PIKFYVE: variants seen among roughly 807,000 people sequenced by gnomAD.
PIKFYVE encodes the protein 1-phosphatidylinositol 3-phosphate 5-kinase.
PIKFYVE carries 122 observed loss-of-function variants against 257.9 expected under a neutral mutation model. That is an observed-to-expected ratio of 0.47 (90% confidence interval 0.41 to 0.55). The LOEUF (loss-of-function observed/expected upper bound fraction) is 0.55, where lower values mean the gene tolerates loss of function less well. PIKFYVE is among the 20% of genes least tolerant of loss of function. PIKFYVE has a pLI of 0.00. For synonymous variants in PIKFYVE, 892 were observed against 868.9 expected (o/e 1.03, Z -0.47); for missense variants, 2,160 against 2,536.6 (o/e 0.85, Z 3.19).
rs1699621939 is a variant in PIKFYVE at position 208,350,006 on chromosome 2, T to A, written c.5375-18T>A. The A allele has an allele frequency of 1.2e-6, 2 of 1,611,060 alleles. No homozygotes were observed. Among genetic ancestry groups the A allele is most frequent in the African/African-American group, 1.3e-5 (1 of 74,952 alleles). ...TTACTCAAAACCTTGGCTTTACTAA[T>A]GATATTAAACCTTTTAGATGAAGTA... On this transcript the variant is annotated intron_variant, in intron 35 of 41. Coordinates refer to ENST00000264380, the MANE Select transcript of PIKFYVE (RefSeq NM_015040.4).
chr2:208,292,694 A>T, intron 7 of PIKFYVE, among the ~76,000 whole-genome samples: 1 of 152,098 alleles, frequency 6.6e-6, no homozygotes. Context: ...GATTTCATTT[A>T]AAAATTTAAA....
rs1369711583 is a variant in PIKFYVE, at chr2:208,356,369, T to C, written c.*1064T>C. On this transcript the variant is annotated 3_prime_UTR_variant, in exon 42 of 42. Coordinates refer to ENST00000264380, the MANE Select transcript of PIKFYVE (RefSeq NM_015040.4). Reference sequence around the variant, plus strand: ...CTGACTACTAAGAAATGTTAAGAAATAGGCCAAGTGCGGTGGCTCACGCCT... The same window carrying C: ...CTGACTACTAAGAAATGTTAAGAAACAGGCCAAGTGCGGTGGCTCACGCCT... 4 of 152,210 alleles carry C rather than the reference T, an allele frequency of 2.6e-5. No individual in the cohort carries two copies. Among genetic ancestry groups the C allele is most frequent in the African/African-American group, 4.8e-5 (2 of 41,458 alleles). 9.4% of individuals were successfully genotyped at this position (152,210 alleles called of 1,614,324 possible). A position where few individuals can be genotyped will look rare whatever the true frequency, so the allele number is the denominator to read the frequency against.
At chr2:208,319,937 C>T (rs1354284430) in intron 16 of PIKFYVE, among the ~76,000 whole-genome samples, 3 of 151,920 alleles carry the variant, frequency 2.0e-5, no homozygotes, top group Non-Finnish European at 2.9e-5. Flanking sequence ...ATACTGCTCC[C>T]TCCGTGCACA....
chr2:208,299,993 C>T (rs951208580), intron 8 of PIKFYVE, among the ~76,000 whole-genome samples: 5 of 152,102 alleles, frequency 3.3e-5, no homozygotes, highest in African/African-American at 1.2e-4. Context: ...AGCCACTGCA[C>T]TCCAGCCTGG....
At chr2:208,304,723 G>T in intron 11 of PIKFYVE, 123 bp from the exon 12 acceptor site, 1 of 849,866 alleles carries the variant, frequency 1.2e-6, no homozygotes, top group Non-Finnish European at 2.0e-6. Flanking sequence ...TATCCATTTT[G>T]GTATTGCACA....
At chr2:208,343,206 C>T (rs1034882967) in intron 32 of PIKFYVE, among the ~76,000 whole-genome samples, 1 of 152,186 alleles carries the variant, frequency 6.6e-6, no homozygotes. Flanking sequence ...ATTTACTGAG[C>T]CTTGAATCCT....
intron 6 of PIKFYVE, among the ~76,000 whole-genome samples, chr2:208,287,360 T>A (rs1691714455): frequency 6.6e-6 from 1 of 151,524 alleles, no homozygotes; most frequent in South Asian, 2.1e-4. Flanking sequence ...TGCAACCTTC[T>A]TTTCCTGGGT....
intron 1 of PIKFYVE, among the ~76,000 whole-genome samples, chr2:208,267,502 G>GTTTT (rs376773052): frequency 0.12 from 12,540 of 109,022 alleles, 2,104 homozygotes; most frequent in African/African-American, 0.25. Flanking sequence ...TACATTGCCA[G>GTTTT]TTTTTTTTTT....
At position 208,276,784 on chromosome 2, in the gene PIKFYVE, G is replaced by A. The variant is rs1320418316; in HGVS notation, c.395G>A (p.Ser132Asn). 6.2e-7 allele frequency: 1 copy of A among 1,613,624 alleles called. No homozygotes were observed. The stretch of plus-strand genomic sequence containing the variant: ...ACAGCTGTTCAGCTTCGAAGCCTCA[G>A]CACAGTATTAAAACGCCTCAAGGAA... Reference protein sequence around the residue: ...PRTAVQLRSLSTVLKRLKEIM... With the variant: ...PRTAVQLRSLNTVLKRLKEIM... Residue 132 changes from serine to asparagine, a missense_variant, in exon 4 of 42, where the codon AGC (serine) becomes AAC (asparagine). Ser to Asn is a conservative substitution (Grantham distance 46, BLOSUM62 1). Coordinates refer to ENST00000264380, the MANE Select transcript of PIKFYVE (RefSeq NM_015040.4).
In PIKFYVE at chr2:208,350,752, A is replaced by G; in HGVS notation, c.5435-19A>G. ...TTCTGAGTCATAAAGCTTTTTAAAA[A>G]AACTTCTGTTGTTTATAGAATTTTC... On this transcript the variant is annotated intron_variant, in intron 36 of 41. Transcript: ENST00000264380. The G allele has an allele frequency of 2.5e-6, 4 of 1,613,618 alleles. No individual in the cohort carries two copies. Among genetic ancestry groups the G allele is most frequent in the Non-Finnish European group, 2.5e-6 (3 of 1,179,798 alleles).
At chr2:208,327,474 G>A (rs2125601644) in intron 20 of PIKFYVE, among the ~76,000 whole-genome samples, 1 of 152,224 alleles carries the variant, frequency 6.6e-6, no homozygotes. Context: ...TTAATGACTT[G>A]GATAAAGCCC....
chr2:208,324,169 C>G lies in PIKFYVE; in HGVS notation c.2218C>G (p.Gln740Glu). Residue 740 changes from glutamine (Q) to glutamate (E), a missense_variant, in exon 18 of 42, where the codon CAG (glutamine) becomes GAG (glutamate). Gln to Glu is a conservative substitution (Grantham distance 29). Coordinates refer to ENST00000264380, the MANE Select transcript of PIKFYVE (RefSeq NM_015040.4). The part of the protein sequence containing the change: ...QEREFLKNYV[Q>E]RIVDVRPTLV... ...AAGGGAATTCTTGAAGAATTATGTC[C>G]AGCGAATAGTTGATGTTCGACCCAC... The G allele has an allele frequency of 6.2e-7, 1 of 1,613,566 alleles. No homozygotes were observed. The highest frequency in any genetic ancestry group is 8.5e-7 in the Non-Finnish European group (1 of 1,179,630).
rs751273959 is a variant in PIKFYVE at position 208,325,690 on chromosome 2, C to T, written c.2879C>T (p.Thr960Ile). 7.4e-6 allele frequency: 12 copies of T among 1,613,838 alleles called. No homozygotes were observed. The South Asian group carries it at 9.9e-5, about 13-fold the overall frequency. The change falls in exon 20 of 42, where the codon ACA becomes ATA. Residue 960 changes from threonine to isoleucine, a missense_variant. By Grantham distance (89) the Thr-to-Ile change is moderately conservative (BLOSUM62 -1). This residue lies in a region of PIKFYVE where 522 missense variants were observed against 514.6 expected (regional missense o/e 1.01). Coordinates refer to ENST00000264380, the MANE Select transcript of PIKFYVE (RefSeq NM_015040.4). ...VASVKHQEHS[T>I]TACPAGLPCA... is the part of the protein sequence containing the mutation. ...TCTGTGAAGCATCAAGAACATAGCA[C>T]AACAGCTTGCCCGGCGGGTCTCCCT...
chr2:208,326,202 CAT>C lies in PIKFYVE; in HGVS notation c.3392_3393del (p.His1131ArgfsTer6). 1 of 1,605,470 alleles carries C rather than the reference CAT, an allele frequency of 6.2e-7. No individual in the cohort carries two copies. The highest frequency in any genetic ancestry group is 2.2e-5 in the East Asian group (1 of 44,812). On this transcript the variant is annotated frameshift_variant, in exon 20 of 42. Transcript: ENST00000264380. LOFTEE classifies it high-confidence loss of function. ...QAKSIQVLPS[H>X]ELVSTRIAEH... ...CAAGTCTATTCAAGTCTTACCCTCA[CAT>C]GAGCTAGTGAGCACTAGAATTGCTG...
At chr2:208,298,816 G>C (rs1250194206) in intron 8 of PIKFYVE, 37 bp downstream of exon 8, 1 of 1,611,786 alleles carries the variant, frequency 6.2e-7, no homozygotes, top group South Asian at 1.1e-5. Context: ...TGCTAGTTTT[G>C]AGCATAGAGA....
intron 8 of PIKFYVE, among the ~76,000 whole-genome samples, 173 bp from the exon 9 acceptor site, chr2:208,300,764 G>A (rs192550813): frequency 1.3e-5 from 2 of 152,354 alleles, no homozygotes; most frequent in East Asian, 3.9e-4. Context: ...TAGATGAGCA[G>A]AGTTCAAGCT....
At chr2:208,269,043 A>G (rs1689065326) in intron 1 of PIKFYVE, among the ~76,000 whole-genome samples, 1 of 152,188 alleles carries the variant, frequency 6.6e-6, no homozygotes, top group Non-Finnish European at 1.5e-5. Context: ...TTTTAGGTTC[A>G]GAGTACCTTG....
chr2:208,299,732 CTA>C (rs1559080587), intron 8 of PIKFYVE, among the ~76,000 whole-genome samples: 1 of 152,182 alleles, frequency 6.6e-6, no homozygotes. Context: ...ACATTTAATA[CTA>C]TATGTTTATA....
Position 208,284,277 on chromosome 2 carries a change from T to C in PIKFYVE, c.614-1449T>C, listed in dbSNP as rs1028344434. Among the ~76,000 whole-genome samples the C allele has an allele frequency of 5.3e-3, 791 of 148,292 alleles. 7 individuals carry two copies. The highest frequency in any genetic ancestry group is 0.018 in the African/African-American group (718 of 40,356). The stretch of plus-strand genomic sequence containing the variant: ...ATTTCTATCCTTTTTTTTTTTTTTT[T>C]CCCAGACAGTTTCGCTTTTATTGCC... On this transcript the variant is annotated intron_variant, in intron 5 of 41. Transcript: ENST00000264380.
Sources: allele counts gnomAD v4.1 joint callset (sites outside exome capture counted in the v4.1 genomes callset), GRCh38; gene constraint gnomAD v4.1.1; regional missense constraint gnomAD v4.1.1; transcripts MANE v1.5; gene names NCBI Gene and HGNC (gene_info 2026-07-23, HGNC 2026-07-21).